The following RARB variants were observed in gnomAD, a reference collection of about 807,000 sequenced individuals.
RARB encodes the protein HBV-activated protein.
A neutral mutation model predicts 51.9 loss-of-function variants in RARB; 17 were observed. The ratio of observed to expected loss-of-function variants is 0.33; its 90% CI spans 0.22 to 0.49. The LOEUF is 0.49. Among genes scored for constraint, RARB ranks in the 20% least tolerant of loss-of-function variants. The probability of loss-of-function intolerance (pLI) is 0.99; values close to 1 mark genes in which losing one functional copy is unlikely to be tolerated. For missense variants in RARB, 369 were observed against 550.8 expected (o/e 0.67, Z 3.30); for synonymous variants, 215 against 195.4 (o/e 1.10, Z -0.84).
chr3:25,433,438 G>C (rs1708289403), intron 1 of RARB, among the ~76,000 whole-genome samples: 1 of 152,174 alleles, frequency 6.6e-6, no homozygotes, highest in Admixed American at 6.5e-5. Context: ...GCAAACTATA[G>C]ATCTGTGAAT....
intron 3 of RARB, among the ~76,000 whole-genome samples, chr3:25,534,651 T>G (rs1164042077): frequency 6.6e-6 from 1 of 152,256 alleles, no homozygotes; most frequent in Non-Finnish European, 1.5e-5. Flanking sequence ...GTCATAGTTT[T>G]TGTTTATTTC....
chr3:24,919,420 G>A (rs1186436970), intron 2 of RARB, among the ~76,000 whole-genome samples: 1 of 152,204 alleles, frequency 6.6e-6, no homozygotes, highest in Non-Finnish European at 1.5e-5. Context: ...CAATCATCGA[G>A]TTTTGGCTAA....
chr3:25,531,424 AAGAT>A (rs1021494882), intron 3 of RARB, among the ~76,000 whole-genome samples: 21 of 147,968 alleles, frequency 1.4e-4, no homozygotes, highest in East Asian at 4.1e-4. Flanking sequence ...AGATAGATAG[AAGAT>A]AGATAGATAC....
intron 3 of RARB, among the ~76,000 whole-genome samples, chr3:25,087,991 A>G (rs1301460381): frequency 6.6e-6 from 1 of 151,982 alleles, no homozygotes; most frequent in Non-Finnish European, 1.5e-5. Flanking sequence ...CAAAATAGTA[A>G]GAAAGCTATG....
intron 3 of RARB, among the ~76,000 whole-genome samples, chr3:25,086,232 T>A (rs1391097418): frequency 6.6e-6 from 1 of 152,150 alleles, no homozygotes; most frequent in Admixed American, 6.6e-5. Context: ...CCTCATCCAG[T>A]TCCCACCAGA....
At chr3:25,518,786 C>G (rs1447944989) in intron 3 of RARB, among the ~76,000 whole-genome samples, 1 of 152,008 alleles carries the variant, frequency 6.6e-6, no homozygotes, top group Admixed American at 6.6e-5. Context: ...ACATTTTTCT[C>G]TTTATTAAGG....
chr3:25,119,667 A>C (rs535864467), intron 3 of RARB, among the ~76,000 whole-genome samples: 146 of 151,898 alleles, frequency 9.6e-4, no homozygotes, highest in South Asian at 1.7e-3. Context: ...AACAAAAAAA[A>C]AACAACAACA....
At chr3:25,477,952 C>T (rs1696037480) in intron 2 of RARB, among the ~76,000 whole-genome samples, 1 of 152,118 alleles carries the variant, frequency 6.6e-6, no homozygotes, top group Admixed American at 6.6e-5. Flanking sequence ...AGTTATAGGT[C>T]TCGTAGTTGG....
chr3:24,857,518 G>A (rs1439314135), intron 1 of RARB, among the ~76,000 whole-genome samples: 4 of 152,130 alleles, frequency 2.6e-5, no homozygotes, highest in Admixed American at 6.5e-5. Context: ...GTAGATACAC[G>A]TATACTAAAG....
At chr3:25,447,865 A>G (rs1313308103) in intron 1 of RARB, among the ~76,000 whole-genome samples, 7 of 152,126 alleles carry the variant, frequency 4.6e-5, no homozygotes, top group African/African-American at 1.7e-4. Flanking sequence ...GAGAGGGAAA[A>G]TGGAAGTGAA....
intron 2 of RARB, among the ~76,000 whole-genome samples, chr3:24,923,567 C>A (rs577914953): frequency 1.3e-4 from 19 of 151,866 alleles, no homozygotes; most frequent in Admixed American, 1.0e-3. Flanking sequence ...TGACAATTTG[C>A]TTTTTGAGAT....
intron 2 of RARB, among the ~76,000 whole-genome samples, chr3:25,011,505 T>C (rs924511748): frequency 6.6e-6 from 1 of 152,162 alleles, no homozygotes; most frequent in Non-Finnish European, 1.5e-5. Context: ...TTAGGAATTA[T>C]CTTGTCTGCC....
At chr3:25,356,032 G>A (rs1381354229) in intron 5 of RARB, among the ~76,000 whole-genome samples, 2 of 151,960 alleles carry the variant, frequency 1.3e-5, no homozygotes, top group African/African-American at 4.8e-5. Flanking sequence ...TTCTCTATTT[G>A]CAAGTTAATA....
chr3:24,960,711 T>C (rs373870976), intron 2 of RARB, among the ~76,000 whole-genome samples: 66 of 152,122 alleles, frequency 4.3e-4, no homozygotes, highest in East Asian at 1.4e-3. Context: ...CCATACGTTG[T>C]GTAAAGGAAG....
intron 5 of RARB, among the ~76,000 whole-genome samples, chr3:25,256,600 C>A (rs1559334275): frequency 6.6e-6 from 1 of 152,024 alleles, no homozygotes; most frequent in African/African-American, 2.4e-5. Flanking sequence ...ACCATGAGTT[C>A]AGAATTTTTA....
intron 2 of RARB, among the ~76,000 whole-genome samples, chr3:24,994,192 G>C (rs1280448954): frequency 6.6e-6 from 1 of 152,072 alleles, no homozygotes; most frequent in Non-Finnish European, 1.5e-5. Flanking sequence ...TTTAATAATA[G>C]CCATTCTAAC....
At chr3:24,939,984 T>C (rs1695625930) in intron 2 of RARB, among the ~76,000 whole-genome samples, 1 of 152,216 alleles carries the variant, frequency 6.6e-6, no homozygotes, top group East Asian at 1.9e-4. Context: ...ATTTTGTGAT[T>C]CTAATCAAAA....
At position 25,067,129 on chromosome 3, in the gene RARB, G is replaced by A. The variant is rs569968302; in HGVS notation, c.-328+6953G>A. 1.1e-4 allele frequency among the ~76,000 whole-genome samples: 16 copies of A among 152,320 alleles called. No individual in the cohort carries two copies. In the East Asian group the frequency reaches 3.1e-3, roughly 29 times the overall value. On this transcript the variant is annotated intron_variant, in intron 3 of 11. Coordinates refer to the RARB transcript ENST00000383772. Reference sequence around the variant, plus strand: ...AAGGGCTCCAGAAAAGGGTATGGCTGATCACGGGTGAGCACCTGGTTGTAG... The same window carrying A: ...AAGGGCTCCAGAAAAGGGTATGGCTAATCACGGGTGAGCACCTGGTTGTAG...
chr3:25,109,732 G>T (rs1035369542), intron 3 of RARB, among the ~76,000 whole-genome samples: 3 of 152,108 alleles, frequency 2.0e-5, no homozygotes, highest in Non-Finnish European at 4.4e-5. Context: ...TTCCCTTTCC[G>T]TGAGCGTTAC....
Sources: gnomAD v4.1 joint callset for allele counts (sites outside exome capture counted in the v4.1 genomes callset) on GRCh38, gnomAD v4.1.1 for gene constraint, MANE v1.5 for transcripts, NCBI Gene and HGNC (gene_info 2026-07-23, HGNC 2026-07-21) for gene names.